BORA: variants seen among roughly 807,000 people sequenced by gnomAD.
The protein encoded by BORA is BORA aurora kinase A activator.
In BORA, 26 loss-of-function variants were observed where a neutral mutation model predicts 55.8. The observed-to-expected ratio is 0.47, with a 90% CI of 0.34 to 0.65. The LOEUF is 0.65. Among genes scored for constraint, BORA ranks in the 30% least tolerant of loss-of-function variants. The probability of loss-of-function intolerance (pLI) is 0.01; values close to 1 mark genes in which losing one functional copy is unlikely to be tolerated. For synonymous variants in BORA, 201 were observed against 216.9 expected (o/e 0.93, Z 0.64); for missense variants, 568 against 671.5 (o/e 0.85, Z 1.70).
chr13:72,736,422 T>G (rs1276837977), intron 4 of BORA, among the ~76,000 whole-genome samples: 1 of 152,174 alleles, frequency 6.6e-6, no homozygotes, highest in East Asian at 1.9e-4. Flanking sequence ...TTTACTTATT[T>G]AATAGCATAT....
At position 72,746,983 on chromosome 13, in the gene BORA, G is replaced by T. The variant is rs199872400; in HGVS notation, c.1354G>T (p.Val452Phe). 1.7e-5 allele frequency: 27 copies of T among 1,613,974 alleles called. No individual in the cohort carries two copies. In the African/African-American group the frequency reaches 3.5e-4, roughly 21 times the overall value. The change falls in exon 10 of 12, where the codon GTT (valine) becomes TTT (phenylalanine). Residue 452 changes from valine to phenylalanine, a missense_variant. Transcript: ENST00000390667. ...ADETTWIKEPVDNGSLPMTDF... is the reference protein window; with the variant it reads ...ADETTWIKEPFDNGSLPMTDF... Reference sequence around the variant, plus strand: ...TGAGACCACTTGGATTAAGGAGCCGGTTGATAATGGCAGTTTACCCATGAC... The same window carrying T: ...TGAGACCACTTGGATTAAGGAGCCGTTTGATAATGGCAGTTTACCCATGAC...
At chr13:72,737,082 ATATGT>A in intron 4 of BORA, among the ~76,000 whole-genome samples, 1 of 152,178 alleles carries the variant, frequency 6.6e-6, no homozygotes. Flanking sequence ...TATGAAGAAA[ATATGT>A]TTGGTTACTT....
chr13:72,749,669 C>T (rs924942094), intron 10 of BORA, among the ~76,000 whole-genome samples: 6 of 152,106 alleles, frequency 3.9e-5, no homozygotes, highest in Non-Finnish European at 5.9e-5. Flanking sequence ...TTTCTACTCT[C>T]CAGCTTGTTT....
chr13:72,754,870 C>G, intron 11 of BORA: 1 of 314,104 alleles, frequency 3.2e-6, no homozygotes, highest in Non-Finnish European at 6.0e-6. Flanking sequence ...CATGTGCCAC[C>G]ACACCCAGCT....
At chr13:72,750,387 G>T (rs1386604980) in intron 10 of BORA, among the ~76,000 whole-genome samples, 2 of 152,114 alleles carry the variant, frequency 1.3e-5, no homozygotes, top group East Asian at 1.9e-4. Flanking sequence ...GATAACTCTG[G>T]AGTTTAGTTG....
chr13:72,746,141 T>C, intron 9 of BORA, 65 bp downstream of exon 9: 1 of 1,395,526 alleles, frequency 7.2e-7, no homozygotes, highest in Non-Finnish European at 9.9e-7. Flanking sequence ...ATTAGAGAGG[T>C]TCTTTTAATT....
intron 3 of BORA, among the ~76,000 whole-genome samples, chr13:72,731,849 A>C (rs1006147321): frequency 1.3e-5 from 2 of 152,212 alleles, no homozygotes; most frequent in African/African-American, 2.4e-5. Flanking sequence ...ATCCATTAGC[A>C]ACAGAGCGGT....
At position 72,746,394 on chromosome 13, in the gene BORA, T is replaced by A. The variant is rs1679188008; in HGVS notation, c.872-107T>A. On this transcript the variant is annotated intron_variant, in intron 9 of 11. Transcript: ENST00000390667. ...TCACTTTGGTAAACAACACAACTGT[T>A]ACAGAAATGCAGTTTTTCCTGGCAT... 3.9e-6 allele frequency: 5 copies of A among 1,296,624 alleles called. No individual in the cohort carries two copies. The South Asian group carries it at 7.3e-5, about 19-fold the overall frequency. The allele number at this position is 1,296,624 out of a possible 1,614,324, so 80.3% of individuals were successfully genotyped here.
At chr13:72,738,448 G>T (rs903036363) in intron 5 of BORA, among the ~76,000 whole-genome samples, 1 of 152,160 alleles carries the variant, frequency 6.6e-6, no homozygotes, top group Non-Finnish European at 1.5e-5. Context: ...GTAAAGAAAG[G>T]ATGAAGACTT....
At position 72,746,699 on chromosome 13, in the gene BORA, C is replaced by T; in HGVS notation, c.1070C>T (p.Thr357Ile). ...ATTCAGATACCTTTTACTCTTGAGA[C>T]TCAAGGTGAAGATGAGGAAGATAAA... Reference protein sequence around the residue: ...SVIQIPFTLETQGEDEEDKEN... With the variant: ...SVIQIPFTLEIQGEDEEDKEN... Residue 357 changes from threonine to isoleucine, a missense_variant, in exon 10 of 12, where the codon ACT becomes ATT. Coordinates refer to ENST00000390667, the MANE Select transcript of BORA (RefSeq NM_024808.5). 6.2e-7 allele frequency: 1 copy of T among 1,614,096 alleles called. No homozygotes were observed. The highest frequency in any genetic ancestry group is 8.5e-7 in the Non-Finnish European group (1 of 1,179,992).
chr13:72,740,679 T>C (rs1486092509), intron 5 of BORA, among the ~76,000 whole-genome samples: 1 of 152,182 alleles, frequency 6.6e-6, no homozygotes, highest in African/African-American at 2.4e-5. Context: ...ACCACTCCAC[T>C]CTACTGCTGT....
At chr13:72,752,989 C>T (rs1312605746) in intron 10 of BORA, 1 of 152,242 alleles carries the variant, frequency 6.6e-6, no homozygotes, top group African/African-American at 2.4e-5. Flanking sequence ...ATCTTCATCA[C>T]CTCATCACTG....
Position 72,744,988 on chromosome 13 carries a change from T to C in BORA, c.519T>C (p.Tyr173=). Reference sequence around the variant, plus strand: ...TCCTATTATTAAATATAGGTGACTATTTTAGAGCTGATGAATTTGCAGATC... The same window carrying C: ...TCCTATTATTAAATATAGGTGACTACTTTAGAGCTGATGAATTTGCAGATC... The part of the protein sequence containing the change: ...DFNLENILGD[Y]FRADEFADQS... Residue 173 remains tyrosine (Y), a synonymous_variant, in exon 8 of 12, where the codon TAT becomes TAC. Coordinates refer to ENST00000390667, the MANE Select transcript of BORA (RefSeq NM_024808.5). 6.2e-7 allele frequency: 1 copy of C among 1,613,614 alleles called. No individual in the cohort carries two copies. The highest frequency in any genetic ancestry group is 1.7e-5 in the Admixed American group (1 of 60,014).
intron 1 of BORA, 169 bp downstream of exon 1, chr13:72,728,176 G>C (rs2032724007): frequency 2.2e-6 from 2 of 927,264 alleles, no homozygotes; most frequent in Non-Finnish European, 3.4e-6. Context: ...GGTTGGGGGC[G>C]ACGCCTCCTT....
In BORA at chr13:72,747,050, A is replaced by G. The variant is rs1246098907; in HGVS notation, c.1421A>G (p.His474Arg). 1.2e-6 allele frequency: 2 copies of G among 1,614,000 alleles called. No individual in the cohort carries two copies. Among genetic ancestry groups the G allele is most frequent in the South Asian group, 1.1e-5 (1 of 91,072 alleles). The change falls in exon 10 of 12, where the codon CAT becomes CGT. Residue 474 changes from histidine to arginine, a missense_variant. Physicochemically the swap from His to Arg is conservative, Grantham distance 29. Coordinates refer to ENST00000390667, the MANE Select transcript of BORA (RefSeq NM_024808.5). Reference protein sequence around the residue: ...SGIAFSIENSHMCMSPLAESS... With the variant: ...SGIAFSIENSRMCMSPLAESS... ...ATTGCCTTCAGTATTGAAAACTCTC[A>G]TATGTGCATGTCACCTCTTGCTGAA...
intron 10 of BORA, among the ~76,000 whole-genome samples, chr13:72,751,192 A>G (rs1252574817): frequency 6.6e-6 from 1 of 152,142 alleles, no homozygotes; most frequent in Non-Finnish European, 1.5e-5. Flanking sequence ...CTATTATGGA[A>G]GTTCCTCAAA....
rs1346704799 is a variant in BORA at position 72,755,089 on chromosome 13, T to G, written c.1615-62T>G. On this transcript the variant is annotated intron_variant, in intron 11 of 11. Coordinates refer to ENST00000390667, the MANE Select transcript of BORA (RefSeq NM_024808.5). ...TTTTAGGTTTTAAAAACAGTCCCGA[T>G]AATTGCATCCTCCAGTGGTCCTACT... 3.5e-6 allele frequency: 5 copies of G among 1,421,604 alleles called. No homozygotes were observed. The African/African-American group carries it at 7.1e-5, about 20-fold the overall frequency. 88.1% of individuals were successfully genotyped at this position (1,421,604 alleles called of 1,614,324 possible).
Position 72,747,132 on chromosome 13 carries a change from T to C in BORA, c.1482+21T>C, listed in dbSNP as rs754834283. The C allele has an allele frequency of 3.1e-6, 5 of 1,605,998 alleles. No individual in the cohort carries two copies. In the South Asian group the frequency reaches 4.4e-5, roughly 14 times the overall value. ...TTCAGGTAAGGTATTTAATATTCTA[T>C]AGCCCCTTCCTCACTGCCTTGGTGT... is the stretch of plus-strand genomic sequence containing the variant. On this transcript the variant is annotated intron_variant, in intron 10 of 11. Transcript: ENST00000390667.
intron 10 of BORA, 86 bp from the exon 11 acceptor site, chr13:72,753,604 G>A (rs1249464593): frequency 1.5e-6 from 2 of 1,355,078 alleles, no homozygotes; most frequent in Non-Finnish European, 2.0e-6. Flanking sequence ...CAGATGTAGT[G>A]AATGAGAGTT....
Sources: allele counts gnomAD v4.1 joint callset (sites outside exome capture counted in the v4.1 genomes callset), GRCh38; gene constraint gnomAD v4.1.1; transcripts MANE v1.5; gene names NCBI Gene and HGNC (gene_info 2026-07-23, HGNC 2026-07-21).